The following DNAH14 variants were observed in gnomAD, a reference collection of about 807,000 sequenced individuals.
DNAH14 encodes the protein dynein axonemal heavy chain 14.
Under a neutral mutation model 520.9 loss-of-function variants are expected in DNAH14, and 478 were observed. The ratio of observed to expected loss-of-function variants is 0.92; its 90% confidence interval spans 0.85 to 0.99. The LOEUF is 0.99. DNAH14 is among the 50% of genes least tolerant of loss of function. The pLI, the probability that DNAH14 is intolerant of heterozygous loss-of-function variation, is 0.00. For synonymous variants in DNAH14, 1,581 were observed against 1,757.2 expected, an observed-to-expected ratio of 0.90 and a Z score of 2.51; for missense variants, 4,831 against 5,234.5, an observed-to-expected ratio of 0.92 and a Z score of 2.38.
rs2068412618 is a variant in DNAH14 at position 225,050,246 on chromosome 1, C to G, written c.1949C>G (p.Ser650Cys). The change falls in exon 16 of 86, where the codon TCT (serine) becomes TGT (cysteine). Residue 650 changes from serine to cysteine, a missense_variant. Coordinates refer to ENST00000682510, the MANE Select transcript of DNAH14 (RefSeq NM_001367479.1). ...ITPLCQDPQLSIFIDLVSIMD... is the reference protein window; with the variant it reads ...ITPLCQDPQLCIFIDLVSIMD... ...CCTCTTTGCCAAGATCCCCAGCTGT[C>G]TATCTTCATTGATTTGGTTTCAATA... is the stretch of plus-strand genomic sequence containing the variant. 1.9e-6 allele frequency: 3 copies of G among 1,548,294 alleles called. No homozygotes were observed. The highest frequency in any genetic ancestry group is 2.6e-6 in the Non-Finnish European group (3 of 1,145,966).
intron 1 of DNAH14, among the ~76,000 whole-genome samples, chr1:224,933,719 A>G (rs1189285593): frequency 1.3e-5 from 2 of 152,032 alleles, no homozygotes; most frequent in Admixed American, 6.5e-5. Context: ...TATGTGATGT[A>G]TCATGCTTAT....
At chr1:225,102,371 C>T (rs1304030280) in intron 23 of DNAH14, among the ~76,000 whole-genome samples, 3 of 152,042 alleles carry the variant, frequency 2.0e-5, no homozygotes, top group East Asian at 1.9e-4. Flanking sequence ...GTGTCTTTAT[C>T]GCAGCATGAT....
At chr1:225,213,401 G>A (rs1382076507) in intron 41 of DNAH14, among the ~76,000 whole-genome samples, 2 of 152,100 alleles carry the variant, frequency 1.3e-5, no homozygotes, top group Non-Finnish European at 2.9e-5. Flanking sequence ...CTCTTTTTTG[G>A]TTCCATATGA....
intron 17 of DNAH14, among the ~76,000 whole-genome samples, chr1:225,055,737 C>A (rs2068990443): frequency 6.7e-6 from 1 of 149,054 alleles, no homozygotes; most frequent in African/African-American, 2.5e-5. Context: ...TTCCTGTTTC[C>A]ATGTGTTCTC....
intron 66 of DNAH14, among the ~76,000 whole-genome samples, chr1:225,335,275 T>TG (rs1558425838): frequency 2.5e-5 from 2 of 79,242 alleles, no homozygotes; most frequent in East Asian, 4.9e-4. Flanking sequence ...CACGTGTACA[T>TG]TGTGTGTATA....
chr1:225,116,825 A>G (rs547958144), intron 23 of DNAH14, among the ~76,000 whole-genome samples: 1 of 152,216 alleles, frequency 6.6e-6, no homozygotes, highest in East Asian at 1.9e-4. Context: ...TGAAAATGTC[A>G]TGTAACACAA....
rs188867334 is a variant in DNAH14 at position 225,290,595 on chromosome 1, A to G, written c.8469+513A>G. On this transcript the variant is annotated intron_variant, in intron 55 of 85. Coordinates refer to ENST00000682510, the MANE Select transcript of DNAH14 (RefSeq NM_001367479.1). Reference sequence around the variant, plus strand: ...AATATGTTATTTTTGTCATATATATATGTGTGTGTGTGTGTGTATGTGTGT... The same window carrying G: ...AATATGTTATTTTTGTCATATATATGTGTGTGTGTGTGTGTGTATGTGTGT... 3.0e-3 allele frequency among the ~76,000 whole-genome samples: 423 copies of G among 138,836 alleles called. 2 individuals carry two copies. The highest frequency in any genetic ancestry group is 0.014 in the East Asian group (63 of 4,494). The allele number at this position is 138,836 out of a possible 152,430, so 91.1% of individuals were successfully genotyped here. A position where few individuals can be genotyped will look rare whatever the true frequency, so the allele number is the denominator to read the frequency against.
At chr1:225,111,160 A>G (rs2076447429) in intron 23 of DNAH14, among the ~76,000 whole-genome samples, 1 of 151,994 alleles carries the variant, frequency 6.6e-6, no homozygotes, top group African/African-American at 2.4e-5. Context: ...ATTAATTCCA[A>G]TGTTTCTTTG....
At chr1:225,150,421 A>G (rs756320168) in intron 31 of DNAH14, among the ~76,000 whole-genome samples, 1 of 152,178 alleles carries the variant, frequency 6.6e-6, no homozygotes, top group South Asian at 2.1e-4. Context: ...AGTGGGTTAC[A>G]GAGGAGTCTC....
intron 6 of DNAH14, among the ~76,000 whole-genome samples, chr1:224,968,434 CT>C (rs1375195892): frequency 6.6e-6 from 1 of 152,026 alleles, no homozygotes; most frequent in African/African-American, 2.4e-5. Context: ...ATAAATACTA[CT>C]TTTATAGAAA....
At chr1:225,213,035 G>C (rs1262347684) in intron 41 of DNAH14, among the ~76,000 whole-genome samples, 2 of 151,832 alleles carry the variant, frequency 1.3e-5, no homozygotes, top group African/African-American at 4.8e-5. Context: ...AGTTTTTATG[G>C]TTTTAGGTCT....
At chr1:225,235,864 T>C (rs529074504) in intron 42 of DNAH14, among the ~76,000 whole-genome samples, 2 of 152,216 alleles carry the variant, frequency 1.3e-5, no homozygotes, top group Non-Finnish European at 2.9e-5. Context: ...TGGTTGTATT[T>C]CTATGGAGTC....
At chr1:225,316,340 T>C (rs1332948164) in intron 60 of DNAH14, among the ~76,000 whole-genome samples, 2 of 152,082 alleles carry the variant, frequency 1.3e-5, no homozygotes, top group African/African-American at 4.8e-5. Flanking sequence ...TGGCTTCAGC[T>C]CCCTTTCCAG....
In DNAH14 at chr1:225,051,739, A is replaced by C; in HGVS notation, c.2368A>C (p.Met790Leu). The C allele has an allele frequency of 1.3e-6, 2 of 1,549,488 alleles. No individual in the cohort carries two copies. Among genetic ancestry groups the C allele is most frequent in the East Asian group, 4.9e-5 (2 of 40,778 alleles). Residue 790 changes from methionine (M) to leucine (L), a missense_variant, in exon 17 of 86, where the codon ATG (methionine) becomes CTG (leucine). By Grantham distance (15) the Met-to-Leu change is conservative (BLOSUM62 2). Coordinates refer to ENST00000682510, the MANE Select transcript of DNAH14 (RefSeq NM_001367479.1). ...ACTGTATATTGACAACGTCATACAT[A>C]TGAGCCACACCCTCATACAATCTGT... Reference protein sequence around the residue: ...CLLYIDNVIHMSHTLIQSVIE... With the variant: ...CLLYIDNVIHLSHTLIQSVIE...
Position 224,929,833 on chromosome 1 carries a change from C to A in DNAH14, c.-36C>A, listed in dbSNP as rs1001256143. On this transcript the variant is annotated splice_region_variant and 5_prime_UTR_variant, in exon 1 of 86. Coordinates refer to ENST00000682510, the MANE Select transcript of DNAH14 (RefSeq NM_001367479.1). ...CAACGGCCGTCGGACCACGGCGCGG[C>A]GGGTAAGGTCGTCAGCGTCTTCCTG... 5.8e-6 allele frequency: 4 copies of A among 689,260 alleles called. No individual in the cohort carries two copies. The Admixed American group carries it at 8.1e-5, about 14-fold the overall frequency. 42.7% of individuals were successfully genotyped at this position (689,260 alleles called of 1,614,324 possible).
chr1:225,287,341 A>G (rs985411999), intron 54 of DNAH14, among the ~76,000 whole-genome samples: 5 of 152,206 alleles, frequency 3.3e-5, no homozygotes, highest in African/African-American at 1.2e-4. Flanking sequence ...AGGAGCCAAT[A>G]TAAAAAGTGG....
Position 225,360,706 on chromosome 1 carries a change from G to C in DNAH14, c.11802G>C (p.Leu3934=). ...THGIDLTNIL[L]RFAQELKGTT... is the part of the protein sequence containing the mutation. ...GGATCGACCTTACCAATATCCTCCT[G>C]AGATTTGCACAAGAGTTAAAAGGAA... Residue 3934 remains leucine, a synonymous_variant, in exon 75 of 86, where the codon CTG becomes CTC. Coordinates refer to ENST00000682510, the MANE Select transcript of DNAH14 (RefSeq NM_001367479.1). 1.3e-6 allele frequency: 2 copies of C among 1,551,682 alleles called. No individual in the cohort carries two copies. Among genetic ancestry groups the C allele is most frequent in the Non-Finnish European group, 1.7e-6 (2 of 1,146,986 alleles).
At chr1:225,249,826 A>G (rs1027687858) in intron 43 of DNAH14, among the ~76,000 whole-genome samples, 6 of 152,232 alleles carry the variant, frequency 3.9e-5, no homozygotes, top group African/African-American at 1.4e-4. Context: ...ATTTTAAGAA[A>G]TCAACTACCA....
rs1361765541 is a variant in DNAH14 at position 225,025,899 on chromosome 1, A to G, written c.1358+2034A>G. Among the ~76,000 whole-genome samples, 3 of 152,296 alleles carry G rather than the reference A, an allele frequency of 2.0e-5. No individual in the cohort carries two copies. In the East Asian group the frequency reaches 5.8e-4, roughly 29 times the overall value. ...TTAGTATAATATTTCCATAATGACT[A>G]ATGATATTGAACATCTTTGCATGTG... On this transcript the variant is annotated intron_variant, in intron 11 of 85. Transcript: ENST00000682510.
Sources: allele counts gnomAD v4.1 joint callset (sites outside exome capture counted in the v4.1 genomes callset), GRCh38; gene constraint gnomAD v4.1.1; transcripts MANE v1.5; gene names NCBI Gene and HGNC (gene_info 2026-07-23, HGNC 2026-07-21).